APBA1: variants seen among roughly 807,000 people sequenced by gnomAD.
The protein encoded by APBA1 is amyloid beta precursor protein binding family A member 1, also known as amyloid-beta A4 precursor protein-binding family A member 1.
Under a neutral mutation model 86.6 loss-of-function variants are expected in APBA1, and 55 were observed. That is an observed-to-expected ratio of 0.64 (90% confidence interval 0.51 to 0.80). The LOEUF is 0.80. APBA1 is among the 30% of genes least tolerant of loss of function. APBA1 has a pLI of 0.00. For synonymous variants in APBA1, 511 were observed against 493.9 expected (o/e 1.03, Z -0.46); for missense variants, 1,090 against 1,183.0 (o/e 0.92, Z 1.15).
chr9:69,515,690 T>TGGGGGGGGGGGGGG (rs60382603), intron 2 of APBA1, among the ~76,000 whole-genome samples: 3 of 110,748 alleles, frequency 2.7e-5, no homozygotes, highest in South Asian at 3.5e-4. Flanking sequence ...AATCAGAAAC[T>TGGGGGGGGGGGGGG]GGGGGGGGGG....
intron 1 of APBA1, among the ~76,000 whole-genome samples, chr9:69,659,332 A>G (rs1823705047): frequency 6.6e-6 from 1 of 152,182 alleles, no homozygotes; most frequent in Admixed American, 6.5e-5. Context: ...GAAAAATTAA[A>G]CTCAGAAAGA....
intron 1 of APBA1, among the ~76,000 whole-genome samples, chr9:69,649,762 GT>G (rs1157103569): frequency 1.3e-5 from 2 of 152,096 alleles, no homozygotes; most frequent in Non-Finnish European, 2.9e-5. Context: ...ACAAGAGTCA[GT>G]TTTTCAGGGC....
intron 1 of APBA1, among the ~76,000 whole-genome samples, chr9:69,574,005 T>C (rs1338933982): frequency 2.0e-5 from 3 of 152,388 alleles, no homozygotes; most frequent in South Asian, 2.1e-4. Context: ...AAATTGGTGA[T>C]ACACAAACAT....
At chr9:69,625,921 AT>A (rs1281112682) in intron 1 of APBA1, among the ~76,000 whole-genome samples, 4 of 152,138 alleles carry the variant, frequency 2.6e-5, no homozygotes, top group African/African-American at 9.7e-5. Flanking sequence ...TGGGCAGTAT[AT>A]CCAGTGCTAC....
intron 1 of APBA1, among the ~76,000 whole-genome samples, chr9:69,557,449 A>G (rs1836879932): frequency 6.6e-6 from 1 of 152,220 alleles, no homozygotes; most frequent in Admixed American, 6.5e-5. Flanking sequence ...AAAATTCATC[A>G]CAGAATCCAT....
chr9:69,436,006 G>GT (rs1035297899), intron 11 of APBA1, among the ~76,000 whole-genome samples: 1 of 151,940 alleles, frequency 6.6e-6, no homozygotes, highest in Non-Finnish European at 1.5e-5. Flanking sequence ...TGGCTAGCCA[G>GT]TTTTCCCAGC....
At chr9:69,643,790 G>A (rs1039255106) in intron 1 of APBA1, among the ~76,000 whole-genome samples, 1 of 152,202 alleles carries the variant, frequency 6.6e-6, no homozygotes, top group African/African-American at 2.4e-5. Flanking sequence ...GGAATATGGA[G>A]CAGAGAAGAA....
intron 1 of APBA1, among the ~76,000 whole-genome samples, chr9:69,584,843 T>C (rs1821986855): frequency 6.6e-6 from 1 of 152,192 alleles, no homozygotes; most frequent in Non-Finnish European, 1.5e-5. Context: ...AACAAAGGAA[T>C]GATCATTTCA....
At chr9:69,669,898 A>C (rs1397332741) in intron 1 of APBA1, among the ~76,000 whole-genome samples, 3 of 152,206 alleles carry the variant, frequency 2.0e-5, no homozygotes, top group East Asian at 3.8e-4. Flanking sequence ...GTAATTCCTC[A>C]TATTATTAAA....
intron 1 of APBA1, among the ~76,000 whole-genome samples, chr9:69,653,206 CA>C (rs201269180): frequency 2.2e-4 from 33 of 150,874 alleles, no homozygotes; most frequent in African/African-American, 6.1e-4. Flanking sequence ...GGCTTAAAGA[CA>C]AAAAAAAGGC....
rs538837425 is a variant in APBA1 at position 69,572,753 on chromosome 9, C to T, written c.-69-55474G>A. ...AACTGAAAACTCCTCCACATGAGAG[C>T]TGTGATCTCCATCCTGAATGCTTAT... On this transcript the variant is annotated intron_variant, in intron 1 of 12. Transcript: ENST00000265381. 7.9e-5 allele frequency among the ~76,000 whole-genome samples: 12 copies of T among 152,338 alleles called. No individual in the cohort carries two copies. The East Asian group carries it at 2.3e-3, about 29-fold the overall frequency.
At position 69,516,981 on chromosome 9, in the gene APBA1, C is replaced by T. The variant is rs1836171266; in HGVS notation, c.230G>A (p.Arg77His). ...EEEERGECLA[R>H]SASTESGFHN... ...GAAGCCGCTCTCCGTGCTGGCTGAG[C>T]GCGCCAGGCATTCCCCGCGCTCCTC... The change falls in exon 2 of 13, where the codon CGC becomes CAC. Residue 77 changes from arginine (R) to histidine (H), a missense_variant. Around this residue, in one of 6 missense-constraint regions of APBA1, gnomAD observed 678 missense variants for 647.1 expected, o/e 1.05. Transcript: ENST00000265381. The surrounding 1 kb of genome is among the most constrained non-coding windows in gnomAD (Gnocchi z 7.3). 1.9e-6 allele frequency: 3 copies of T among 1,586,342 alleles called. No homozygotes were observed. The highest frequency in any genetic ancestry group is 1.1e-5 in the South Asian group (1 of 89,020).
intron 1 of APBA1, among the ~76,000 whole-genome samples, chr9:69,602,407 T>C (rs1822369137): frequency 6.6e-6 from 1 of 151,916 alleles, no homozygotes; most frequent in Non-Finnish European, 1.5e-5. Flanking sequence ...CCGTCTCTAC[T>C]AAAAATACAA....
At chr9:69,521,416 C>T (rs904433886) in intron 1 of APBA1, among the ~76,000 whole-genome samples, 10 of 152,178 alleles carry the variant, frequency 6.6e-5, no homozygotes, top group African/African-American at 2.4e-4. Context: ...AGGCCACATT[C>T]ATACTTGATG....
chr9:69,449,983 G>A (rs770525021), intron 9 of APBA1, among the ~76,000 whole-genome samples, 187 bp from the exon 10 acceptor site: 1 of 149,712 alleles, frequency 6.7e-6, no homozygotes, highest in East Asian at 2.0e-4. Context: ...ATTCACACAG[G>A]TCTACACTCT....
At chr9:69,671,167 G>C (rs1823941207) in intron 1 of APBA1, among the ~76,000 whole-genome samples, 1 of 152,198 alleles carries the variant, frequency 6.6e-6, no homozygotes, top group Admixed American at 6.5e-5. Context: ...AGCATTGAAA[G>C]TTGTGGGGAC....
intron 2 of APBA1, among the ~76,000 whole-genome samples, chr9:69,481,935 T>C (rs934372662): frequency 6.6e-6 from 1 of 151,554 alleles, no homozygotes; most frequent in East Asian, 1.9e-4. Context: ...AAGCTGAAAC[T>C]GGATCCCTTC....
At chr9:69,442,054 G>C (rs1283613427) in intron 10 of APBA1, among the ~76,000 whole-genome samples, 1 of 152,190 alleles carries the variant, frequency 6.6e-6, no homozygotes, top group East Asian at 1.9e-4. Context: ...GGGAAGGTTT[G>C]CTCCTGCAGG....
intron 1 of APBA1, among the ~76,000 whole-genome samples, chr9:69,669,332 T>C (rs1564108100): frequency 1.3e-5 from 2 of 152,106 alleles, no homozygotes; most frequent in Admixed American, 6.6e-5. Flanking sequence ...TACCCCTAAG[T>C]CTTCCGAAAC....
Sources: allele counts gnomAD v4.1 joint callset (sites outside exome capture counted in the v4.1 genomes callset), GRCh38; gene constraint gnomAD v4.1.1; regional missense constraint gnomAD v4.1.1; non-coding constraint Gnocchi (gnomAD v3.1); transcripts MANE v1.5; gene names NCBI Gene and HGNC (gene_info 2026-07-23, HGNC 2026-07-21).